TXNL4A: variants seen among roughly 807,000 people sequenced by gnomAD.
TXNL4A encodes thioredoxin like 4A.
Under a neutral mutation model 14.6 loss-of-function variants are expected in TXNL4A, and 17 were observed. The ratio of observed to expected loss-of-function variants is 1.16; its 90% CI spans 0.80 to 1.74. TXNL4A has a LOEUF of 1.74. Ranked by LOEUF, TXNL4A falls within the 40% of genes most tolerant of loss-of-function variation. The pLI, the probability that TXNL4A is intolerant of heterozygous loss-of-function variation, is 0.00. For missense variants in TXNL4A, 74 were observed against 195.2 expected (o/e 0.38, Z 3.70); for synonymous variants, 83 against 70.6 (o/e 1.18, Z -0.88).
At chr18:79,999,260 G>A (rs1198182312) in intron 1 of TXNL4A, among the ~76,000 whole-genome samples, 1 of 152,122 alleles carries the variant, frequency 6.6e-6, no homozygotes, top group Non-Finnish European at 1.5e-5. Flanking sequence ...TCTAGGCCGG[G>A]TGCAGTGACT....
intron 1 of TXNL4A, among the ~76,000 whole-genome samples, chr18:80,017,342 A>C (rs1040706370): frequency 5.3e-5 from 8 of 152,086 alleles, no homozygotes; most frequent in African/African-American, 1.9e-4. Flanking sequence ...TTCCTAATTG[A>C]ATACCCTTTA....
At chr18:79,984,741 T>C (rs949158086) in intron 1 of TXNL4A, among the ~76,000 whole-genome samples, 9 of 152,180 alleles carry the variant, frequency 5.9e-5, no homozygotes, top group African/African-American at 2.2e-4. Flanking sequence ...TCCTGAGTAG[T>C]GGGGTTACAG....
chr18:79,972,764 A>G lies in TXNL4A; in HGVS notation c.*921T>C, dbSNP rs897919229. 2.0e-5 allele frequency: 3 copies of G among 152,208 alleles called. No individual in the cohort carries two copies. Among genetic ancestry groups the G allele is most frequent in the Non-Finnish European group, 4.4e-5 (3 of 68,046 alleles). 9.4% of individuals were successfully genotyped at this position (152,208 alleles called of 1,614,324 possible). On this transcript the variant is annotated 3_prime_UTR_variant, in exon 3 of 3. Coordinates refer to ENST00000269601, the MANE Select transcript of TXNL4A (RefSeq NM_006701.5). ...AGGTGTGAGCCACCGTGCCTGGCCA[A>G]TAAGGAAATTTTCTAACTATATGAA...
chr18:79,975,129 C>A (rs1488718236), intron 2 of TXNL4A, among the ~76,000 whole-genome samples: 1 of 152,174 alleles, frequency 6.6e-6, no homozygotes, highest in African/African-American at 2.4e-5. Context: ...GCAGCCCTAT[C>A]TGACCTGGGT....
chr18:80,007,198 C>T (rs989432532), intron 1 of TXNL4A, among the ~76,000 whole-genome samples: 18 of 152,034 alleles, frequency 1.2e-4, no homozygotes, highest in African/African-American at 3.4e-4. Context: ...TGCAGCAGGA[C>T]GAGCCACAGA....
chr18:80,014,122 A>G (rs1160070038), intron 1 of TXNL4A, among the ~76,000 whole-genome samples: 1 of 152,062 alleles, frequency 6.6e-6, no homozygotes, highest in Non-Finnish European at 1.5e-5. Flanking sequence ...TGGGAGATAC[A>G]ATTCATGTTG....
chr18:80,030,954 G>C (rs1407809415), intron 1 of TXNL4A, among the ~76,000 whole-genome samples: 1 of 152,134 alleles, frequency 6.6e-6, no homozygotes, highest in Non-Finnish European at 1.5e-5. Context: ...GCGATGGAGT[G>C]AGATTCCATG....
upstream of TXNL4A, among the ~76,000 whole-genome samples, chr18:79,990,024 G>A (rs2051615396): frequency 6.6e-6 from 1 of 152,176 alleles, no homozygotes; most frequent in Non-Finnish European, 1.5e-5. Flanking sequence ...CTATGCAGAT[G>A]CTGTGGTGTC....
chr18:80,029,188 G>A (rs540764561), intron 1 of TXNL4A, among the ~76,000 whole-genome samples: 11 of 152,284 alleles, frequency 7.2e-5, no homozygotes, highest in Non-Finnish European at 4.4e-5. Context: ...TATGGAATAT[G>A]TCCATAATCT....
chr18:80,016,361 G>C (rs1170696530), intron 1 of TXNL4A, among the ~76,000 whole-genome samples: 2 of 152,056 alleles, frequency 1.3e-5, no homozygotes, highest in Admixed American at 6.5e-5. Flanking sequence ...AAGCTCTTTA[G>C]TTTAATTAGA....
intron 2 of TXNL4A, chr18:79,976,849 A>T (rs2051387214): frequency 2.2e-6 from 1 of 450,010 alleles, no homozygotes; most frequent in African/African-American, 2.0e-5. Flanking sequence ...CCATAATGAA[A>T]TTTTTGAGCT....
chr18:80,029,895 G>C (rs2051910319), intron 1 of TXNL4A, among the ~76,000 whole-genome samples: 1 of 152,130 alleles, frequency 6.6e-6, no homozygotes, highest in African/African-American at 2.4e-5. Context: ...ATTTGATAAA[G>C]AATTCCTTTC....
rs1490580087 is a variant in TXNL4A, at chr18:79,988,011, AACCC to A, written c.153+225_153+228del. On this transcript the variant is annotated intron_variant, in intron 1 of 2. Transcript: ENST00000269601. ...TTCATTTGAGAGGAGGGGGATCATA[AACCC>A]TTTAAAATATGAAAAACTACAAGAG... Among the ~76,000 whole-genome samples the A allele has an allele frequency of 5.2e-3, 788 of 152,398 alleles. 6 individuals are homozygous for A. Among genetic ancestry groups the A allele is most frequent in the African/African-American group, 0.018 (741 of 41,606 alleles).
chr18:80,006,887 T>C (rs1259458041), intron 1 of TXNL4A, among the ~76,000 whole-genome samples: 1 of 152,234 alleles, frequency 6.6e-6, no homozygotes, highest in Non-Finnish European at 1.5e-5. Context: ...CAACTCATCC[T>C]TTTATTATGC....
At chr18:80,026,224 G>A (rs56330441) in intron 1 of TXNL4A, among the ~76,000 whole-genome samples, 8 of 151,840 alleles carry the variant, frequency 5.3e-5, no homozygotes, top group African/African-American at 1.9e-4. Flanking sequence ...CGATAAAAAA[G>A]GAAAAACAGA....
chr18:80,029,786 G>A (rs1254016810), intron 1 of TXNL4A, among the ~76,000 whole-genome samples: 2 of 152,066 alleles, frequency 1.3e-5, no homozygotes, highest in Non-Finnish European at 2.9e-5. Flanking sequence ...TAATAACAGA[G>A]GCCCATGTGT....
intron 1 of TXNL4A, among the ~76,000 whole-genome samples, chr18:80,022,184 C>A (rs1599755210): frequency 6.6e-6 from 1 of 152,184 alleles, no homozygotes; most frequent in South Asian, 2.1e-4. Context: ...CACCATTGGG[C>A]ATTTCCTGCA....
At chr18:79,988,625 G>A (rs2051597141), upstream of TXNL4A, 1 of 368,664 alleles carries the variant, frequency 2.7e-6, no homozygotes, top group Non-Finnish European at 4.7e-6. Context: ...CGCCGTGCGT[G>A]CTGACGGCAT....
At chr18:80,030,794 C>G (rs577690797) in intron 1 of TXNL4A, among the ~76,000 whole-genome samples, 3 of 152,210 alleles carry the variant, frequency 2.0e-5, no homozygotes, top group South Asian at 4.2e-4. Flanking sequence ...TGGTGAAACC[C>G]TGTCTCTACT....
Sources: gnomAD v4.1 joint callset for allele counts (sites outside exome capture counted in the v4.1 genomes callset) on GRCh38, gnomAD v4.1.1 for gene constraint, MANE v1.5 for transcripts, NCBI Gene and HGNC (gene_info 2026-07-23, HGNC 2026-07-21) for gene names.